The following CTPS2 variants were observed in gnomAD, a reference collection of about 807,000 sequenced individuals.
CTPS2 encodes the protein CTP synthase II.
In CTPS2, 19 loss-of-function variants were observed where a neutral mutation model predicts 46.8. The observed-to-expected ratio is 0.41, with a 90% CI of 0.28 to 0.60. The LOEUF (loss-of-function observed/expected upper bound fraction) is 0.60, where lower values mean the gene tolerates loss of function less well. Among genes scored for constraint, CTPS2 ranks in the 20% least tolerant of loss-of-function variants. The pLI is 0.35. For synonymous variants in CTPS2, 151 were observed against 165.2 expected, an observed-to-expected ratio of 0.91 and a Z score of 0.66; for missense variants, 286 against 447.6, an observed-to-expected ratio of 0.64 and a Z score of 3.26.
intron 14 of CTPS2, among the ~76,000 whole-genome samples, chrX:16,633,262 T>G (rs1328070118): frequency 9.2e-6 from 1 of 109,284 alleles, no homozygotes; most frequent in African/African-American, 3.3e-5. Context: ...TTTTTAAAAA[T>G]TTTTTTGTAG....
chrX:16,592,976 G>A (rs1928991391), intron 17 of CTPS2, among the ~76,000 whole-genome samples: 1 of 111,217 alleles, frequency 9.0e-6, no homozygotes, highest in African/African-American at 3.3e-5. Context: ...GAGCTGTGGG[G>A]TCTGTTTGTG....
intron 2 of CTPS2, among the ~76,000 whole-genome samples, chrX:16,702,370 A>T (rs984097449): frequency 8.9e-6 from 1 of 112,493 alleles, no homozygotes; most frequent in Non-Finnish European, 1.9e-5. Context: ...AAAGTTTTTT[A>T]AAAATAGCAT....
intron 1 of CTPS2, among the ~76,000 whole-genome samples, chrX:16,711,092 T>C (rs1024411525): frequency 1.2e-4 from 14 of 112,117 alleles, no homozygotes; most frequent in Admixed American, 2.9e-4. Context: ...TAGCACAGTG[T>C]AGAGCTGTGC....
Position 16,712,629 on chromosome X carries a change from C to T in CTPS2, c.-334G>A, listed in dbSNP as rs1011708933. 6.2e-5 allele frequency: 7 copies of T among 113,225 alleles called. No homozygotes were observed. The highest frequency in any genetic ancestry group is 9.3e-5 in the Non-Finnish European group (5 of 53,484). The allele number at this position is 113,225 out of a possible 1,213,427, so 9.3% of individuals were successfully genotyped here. On this transcript the variant is annotated 5_prime_UTR_variant, in exon 1 of 19. Coordinates refer to ENST00000359276, the MANE Select transcript of CTPS2 (RefSeq NM_175859.3). ...ACAAGCGCCTAAAAAGTGATTCCTC[C>T]AGCACAGGCAGCTCCCGTCACCCTC...
chrX:16,588,855 G>A lies in CTPS2; in HGVS notation c.*962C>T, dbSNP rs960744243. 7.2e-5 allele frequency: 8 copies of A among 111,801 alleles called. No homozygotes were observed. Among genetic ancestry groups the A allele is most frequent in the African/African-American group, 1.9e-4 (6 of 30,862 alleles). The allele number at this position is 111,801 out of a possible 1,213,427, so 9.2% of individuals were successfully genotyped here. ...TTCTATGTTACGTGAATTTCACGTC[G>A]ATTAAAAAATATATATACAGGTTGA... On this transcript the variant is annotated 3_prime_UTR_variant, in exon 19 of 19. Coordinates refer to ENST00000359276, the MANE Select transcript of CTPS2 (RefSeq NM_175859.3).
intron 8 of CTPS2, among the ~76,000 whole-genome samples, chrX:16,685,795 A>T (rs1448234375): frequency 4.0e-5 from 4 of 99,279 alleles, no homozygotes; most frequent in Non-Finnish European, 8.0e-5. Context: ...TGAACCCAGG[A>T]GGCAGAGCTT....
At chrX:16,656,032 G>A (rs886654340) in intron 13 of CTPS2, among the ~76,000 whole-genome samples, 8 of 110,896 alleles carry the variant, frequency 7.2e-5, no homozygotes, top group African/African-American at 2.6e-4. Context: ...CCAATCTCAG[G>A]TGATCCACCC....
intron 14 of CTPS2, among the ~76,000 whole-genome samples, chrX:16,621,453 A>G (rs1044275957): frequency 9.6e-6 from 1 of 103,952 alleles, no homozygotes; most frequent in African/African-American, 3.7e-5. Context: ...AAGTATAATA[A>G]TAATAATAAT....
At chrX:16,707,926 G>A (rs1925148959) in intron 1 of CTPS2, among the ~76,000 whole-genome samples, 1 of 111,668 alleles carries the variant, frequency 9.0e-6, no homozygotes, top group African/African-American at 3.3e-5. Context: ...AGGTTGCAGT[G>A]AGCTGAGATC....
In CTPS2 at chrX:16,617,144, A is replaced by G. The variant is rs771375407; in HGVS notation, c.1546+6T>C. The G allele has an allele frequency of 8.4e-7, 1 of 1,197,602 alleles. No individual in the cohort carries two copies. The highest frequency in any genetic ancestry group is 1.1e-6 in the Non-Finnish European group (1 of 883,771). On this transcript the variant is annotated splice_donor_region_variant and intron_variant, in intron 16 of 18. Coordinates refer to ENST00000359276, the MANE Select transcript of CTPS2 (RefSeq NM_175859.3). Reference sequence around the variant, plus strand: ...GAAGGTTTTCAAAAATGAAGAGCCCACTTACTTGCCAGTTCAATGATTTCC... The same window carrying G: ...GAAGGTTTTCAAAAATGAAGAGCCCGCTTACTTGCCAGTTCAATGATTTCC...
intron 13 of CTPS2, among the ~76,000 whole-genome samples, chrX:16,666,825 A>G (rs1250250136): frequency 9.0e-6 from 1 of 111,731 alleles, no homozygotes; most frequent in Non-Finnish European, 1.9e-5. Flanking sequence ...CAGCAGAATC[A>G]CTGTCGCTTT....
intron 14 of CTPS2, among the ~76,000 whole-genome samples, chrX:16,623,684 A>G (rs2147209915): frequency 9.2e-6 from 1 of 108,311 alleles, no homozygotes; most frequent in African/African-American, 3.4e-5. Context: ...TCGCTTCTAA[A>G]TCTTGGCTAC....
chrX:16,592,290 GTTTT>G (rs775431373), intron 17 of CTPS2, among the ~76,000 whole-genome samples: 5 of 111,759 alleles, frequency 4.5e-5, no homozygotes, highest in Non-Finnish European at 9.4e-5. Flanking sequence ...TTGTTAATCT[GTTTT>G]TTTGTTATCA....
chrX:16,614,519 T>C (rs1258713929), intron 16 of CTPS2, among the ~76,000 whole-genome samples: 1 of 112,523 alleles, frequency 8.9e-6, no homozygotes, highest in Non-Finnish European at 1.9e-5. Flanking sequence ...AGCAAATGTT[T>C]CTGTAAAGGG....
intron 17 of CTPS2, among the ~76,000 whole-genome samples, chrX:16,601,577 G>C (rs1023627603): frequency 6.9e-5 from 7 of 101,536 alleles, no homozygotes; most frequent in South Asian, 5.1e-4. Flanking sequence ...GCCATCGGGG[G>C]GGGGGGGGTT....
intron 13 of CTPS2, among the ~76,000 whole-genome samples, chrX:16,642,238 A>G (rs957675771): frequency 1.8e-5 from 2 of 112,330 alleles, no homozygotes; most frequent in Non-Finnish European, 3.7e-5. Flanking sequence ...ATGATAGCAC[A>G]GAAAGAAAAT....
intron 9 of CTPS2, among the ~76,000 whole-genome samples, chrX:16,680,147 C>T (rs1157467900): frequency 9.0e-6 from 1 of 111,690 alleles, no homozygotes; most frequent in African/African-American, 3.2e-5. Flanking sequence ...AGGATTCAAA[C>T]AGTACTTAGG....
chrX:16,603,426 A>AATAAATAAATAG (rs1323064371), intron 17 of CTPS2, among the ~76,000 whole-genome samples: 41 of 98,465 alleles, frequency 4.2e-4, no homozygotes, highest in African/African-American at 1.7e-3. Flanking sequence ...AAAATAAATA[A>AATAAATAAATAG]ATAAATAAAT....
intron 1 of CTPS2, among the ~76,000 whole-genome samples, chrX:16,706,057 T>G (rs768167783): frequency 8.0e-4 from 85 of 105,800 alleles, no homozygotes; most frequent in African/African-American, 2.9e-3. Flanking sequence ...GCCGAGATTG[T>G]GCCACTGCAC....
Sources: gnomAD v4.1 joint callset for allele counts (sites outside exome capture counted in the v4.1 genomes callset) on GRCh38, gnomAD v4.1.1 for gene constraint, MANE v1.5 for transcripts, NCBI Gene and HGNC (gene_info 2026-07-23, HGNC 2026-07-21) for gene names.